AFF3: variants seen among roughly 807,000 people sequenced by gnomAD.
AFF3 encodes the protein AF4/FMR2 family member 3.
A neutral mutation model predicts 129.7 loss-of-function variants in AFF3; 32 were observed. The ratio of observed to expected loss-of-function variants is 0.25; its 90% confidence interval spans 0.19 to 0.33. The LOEUF is 0.33. Among genes scored for constraint, AFF3 ranks in the 10% least tolerant of loss-of-function variants. The pLI, the probability that AFF3 is intolerant of heterozygous loss-of-function variation, is 1.00. For missense variants in AFF3, 1,373 were observed against 1,592.0 expected, an observed-to-expected ratio of 0.86 and a Z score of 2.34; for synonymous variants, 644 against 635.4, an observed-to-expected ratio of 1.01 and a Z score of -0.20.
chr2:99,566,803 T>C (rs1676010725), intron 19 of AFF3, among the ~76,000 whole-genome samples: 1 of 152,130 alleles, frequency 6.6e-6, no homozygotes, highest in Non-Finnish European at 1.5e-5. Context: ...AATGACATAA[T>C]ACTCAAATAC....
chr2:99,705,611 C>T (rs1191952764), intron 11 of AFF3, among the ~76,000 whole-genome samples: 11 of 152,148 alleles, frequency 7.2e-5, no homozygotes, highest in Admixed American at 3.9e-4. Flanking sequence ...TGGTGGCTCA[C>T]GTCTGCATTC....
chr2:99,994,336 A>T (rs1051046869), intron 7 of AFF3, among the ~76,000 whole-genome samples: 9 of 152,196 alleles, frequency 5.9e-5, no homozygotes, highest in African/African-American at 9.7e-5. Context: ...TCCAAATTCG[A>T]TGAAACCAAA....
rs904401739 is a variant in AFF3, at chr2:100,125,081, C to T, written c.-145+4143G>A. On this transcript the variant is annotated intron_variant, in intron 2 of 24. Transcript: ENST00000672756. ...TGGGACATGAATGGTGGGGATAGAA[C>T]GTGGAGAAGAGGAGAGGGCCATCAA... Among the ~76,000 whole-genome samples the T allele has an allele frequency of 5.3e-5, 8 of 151,922 alleles. No homozygotes were observed. The East Asian group carries it at 7.7e-4, about 15-fold the overall frequency.
intron 8 of AFF3, among the ~76,000 whole-genome samples, chr2:99,810,404 G>C (rs1686696068): frequency 6.6e-6 from 1 of 152,200 alleles, no homozygotes; most frequent in Admixed American, 6.5e-5. Context: ...CAGTCAACAA[G>C]TATTTATGGA....
At chr2:99,970,251 A>T (rs539720231) in intron 7 of AFF3, among the ~76,000 whole-genome samples, 1 of 152,240 alleles carries the variant, frequency 6.6e-6, no homozygotes, top group South Asian at 2.1e-4. Flanking sequence ...TCCACCTGTG[A>T]CCCAGAGACG....
intron 7 of AFF3, among the ~76,000 whole-genome samples, chr2:99,839,484 C>T (rs1308321416): frequency 6.6e-6 from 1 of 152,188 alleles, no homozygotes; most frequent in African/African-American, 2.4e-5. Flanking sequence ...ACCATCAATG[C>T]ATGAGGATTC....
chr2:99,931,012 A>T (rs1039601930), intron 7 of AFF3, among the ~76,000 whole-genome samples: 5 of 152,224 alleles, frequency 3.3e-5, no homozygotes, highest in African/African-American at 1.2e-4. Context: ...TTCAGAATTG[A>T]AATTTACAGA....
At chr2:99,584,600 ACC>A (rs1318714667) in intron 16 of AFF3, among the ~76,000 whole-genome samples, 2 of 152,194 alleles carry the variant, frequency 1.3e-5, no homozygotes, top group African/African-American at 4.8e-5. Flanking sequence ...TCCAAAATCA[ACC>A]ATCAGTGAAG....
rs146330426 is a variant in AFF3 at position 99,840,092 on chromosome 2, C to T, written c.874-2568G>A. ...AGACTCTTAGCAGATATATGATTTACAAATATTTTGTTCCATTCTTTGGGT... is the reference window on the plus strand; with the variant it reads ...AGACTCTTAGCAGATATATGATTTATAAATATTTTGTTCCATTCTTTGGGT... On this transcript the variant is annotated intron_variant, in intron 7 of 24. Transcript: ENST00000672756. 1.6e-3 allele frequency among the ~76,000 whole-genome samples: 236 copies of T among 152,256 alleles called. 1 individual carries two copies. The highest frequency in any genetic ancestry group is 5.4e-3 in the African/African-American group (225 of 41,556).
In AFF3 at chr2:99,578,532, A is replaced by G. The variant is rs939245251; in HGVS notation, c.2794-81T>C. 3 of 1,561,554 alleles carry G rather than the reference A, an allele frequency of 1.9e-6. No homozygotes were observed. The African/African-American group carries it at 4.2e-5, about 22-fold the overall frequency. On this transcript the variant is annotated intron_variant, in intron 17 of 24. Transcript: ENST00000672756. ...GCCCATCACATACATACATACGTAGAATATCTTTGGCTCTACAGAACATCT... is the reference window on the plus strand; with the variant it reads ...GCCCATCACATACATACATACGTAGGATATCTTTGGCTCTACAGAACATCT...
intron 7 of AFF3, among the ~76,000 whole-genome samples, chr2:99,938,800 C>G (rs998089281): frequency 6.6e-6 from 1 of 152,166 alleles, no homozygotes; most frequent in African/African-American, 2.4e-5. Context: ...ATTATGTGAA[C>G]CAATTCTTTA....
intron 10 of AFF3, among the ~76,000 whole-genome samples, chr2:99,731,347 C>T (rs1679817779): frequency 6.6e-6 from 1 of 152,174 alleles, no homozygotes; most frequent in Non-Finnish European, 1.5e-5. Context: ...TTAATAGTCT[C>T]CCCTCCCTTA....
At chr2:99,874,008 A>G (rs1692083813) in intron 7 of AFF3, among the ~76,000 whole-genome samples, 1 of 151,916 alleles carries the variant, frequency 6.6e-6, no homozygotes, top group South Asian at 2.1e-4. Context: ...CCCCGTCTCT[A>G]CTAAAAATAG....
At chr2:99,730,877 G>C (rs150906470) in intron 10 of AFF3, among the ~76,000 whole-genome samples, 2 of 152,216 alleles carry the variant, frequency 1.3e-5, no homozygotes, top group Non-Finnish European at 2.9e-5. Context: ...TTAAAAAAAT[G>C]AACAGAAAAG....
chr2:100,054,198 T>C (rs1270535644), intron 4 of AFF3, among the ~76,000 whole-genome samples: 3 of 152,168 alleles, frequency 2.0e-5, no homozygotes, highest in Non-Finnish European at 4.4e-5. Flanking sequence ...TGGGGGCACC[T>C]TGGGAAAGTT....
At chr2:99,620,254 C>T (rs1241320046) in intron 13 of AFF3, among the ~76,000 whole-genome samples, 1 of 152,186 alleles carries the variant, frequency 6.6e-6, no homozygotes, top group Non-Finnish European at 1.5e-5. Context: ...CAGTGACCCA[C>T]ATGAAGAGAT....
chr2:100,045,972 T>C (rs1685796471), intron 4 of AFF3, among the ~76,000 whole-genome samples: 1 of 152,110 alleles, frequency 6.6e-6, no homozygotes, highest in Non-Finnish European at 1.5e-5. Context: ...TCAAAAGTTA[T>C]ATGTGAATTT....
At position 100,094,482 on chromosome 2, in the gene AFF3, G is replaced by A. The variant is rs1168707669; in HGVS notation, c.53+9920C>T. Reference sequence around the variant, plus strand: ...TGCCAGTGCTAATCTGACGGGAGGCGGAGATCAGGCAGTAATGTTAGCAAT... The same window carrying A: ...TGCCAGTGCTAATCTGACGGGAGGCAGAGATCAGGCAGTAATGTTAGCAAT... On this transcript the variant is annotated intron_variant, in intron 4 of 24. Coordinates refer to ENST00000672756, the MANE Select transcript of AFF3 (RefSeq NM_001386135.1). Among the ~76,000 whole-genome samples, 7 of 152,160 alleles carry A rather than the reference G, an allele frequency of 4.6e-5. No individual in the cohort carries two copies. The Middle Eastern group carries it at 0.01, about 222-fold the overall frequency.
chr2:99,656,588 C>T (rs1031348531), intron 12 of AFF3, among the ~76,000 whole-genome samples: 1 of 152,156 alleles, frequency 6.6e-6, no homozygotes, highest in Non-Finnish European at 1.5e-5. Context: ...GAGACTTGTA[C>T]TTATTAATTT....
Sources: gnomAD v4.1 joint callset for allele counts (sites outside exome capture counted in the v4.1 genomes callset) on GRCh38, gnomAD v4.1.1 for gene constraint, MANE v1.5 for transcripts, NCBI Gene and HGNC (gene_info 2026-07-23, HGNC 2026-07-21) for gene names.